The following BRWD1 variants were observed in gnomAD, a reference collection of about 807,000 sequenced individuals.
The protein encoded by BRWD1 is bromodomain and WD repeat domain containing 1.
In BRWD1, 82 loss-of-function variants were observed where a neutral mutation model predicts 251.2. That is an observed-to-expected ratio of 0.33 (90% CI 0.27 to 0.39). The LOEUF is 0.39. Ranked by LOEUF, BRWD1 falls within the 10% of genes least tolerant of loss-of-function variation. The probability of loss-of-function intolerance (pLI) is 1.00; values close to 1 mark genes in which losing one functional copy is unlikely to be tolerated. For missense variants in BRWD1, 2,233 were observed against 2,711.6 expected (o/e 0.82, Z 3.92); for synonymous variants, 918 against 902.8 (o/e 1.02, Z -0.30).
chr21:39,320,052 T>C (rs2036732703), intron 1 of BRWD1, among the ~76,000 whole-genome samples: 2 of 152,078 alleles, frequency 1.3e-5, no homozygotes, highest in South Asian at 4.1e-4. Context: ...TCTACTCTCC[T>C]CCCTCCCTGC....
intron 33 of BRWD1, 143 bp from the exon 34 acceptor site, chr21:39,212,850 C>T: frequency 1.8e-6 from 1 of 564,438 alleles, no homozygotes; most frequent in Non-Finnish European, 3.0e-6. Flanking sequence ...GAAAGACTAC[C>T]AGATGATCTT....
At chr21:39,281,600 C>T (rs2035458680) in intron 8 of BRWD1, among the ~76,000 whole-genome samples, 1 of 152,174 alleles carries the variant, frequency 6.6e-6, no homozygotes, top group African/African-American at 2.4e-5. Context: ...GAGGCCAAGG[C>T]AGGCAGATCA....
Position 39,194,321 on chromosome 21 carries a change from G to C in BRWD1, c.*1938C>G, listed in dbSNP as rs2031700749. 9.9e-7 allele frequency: 1 copy of C among 1,011,276 alleles called. No homozygotes were observed. Among genetic ancestry groups the C allele is most frequent in the South Asian group, 4.3e-5 (1 of 23,360 alleles). The allele number at this position is 1,011,276 out of a possible 1,614,324, so 62.6% of individuals were successfully genotyped here. ...AACATGGAGTTAAAACCTGAGAACA[G>C]ATTATAAAAGAGAAGGTTAAGAAGA... On this transcript the variant is annotated 3_prime_UTR_variant, in exon 41 of 41. Coordinates refer to ENST00000342449, the MANE Select transcript of BRWD1 (RefSeq NM_033656.4).
chr21:39,187,165 G>A lies in BRWD1; in HGVS notation c.*9094C>T, dbSNP rs753912753. On this transcript the variant is annotated 3_prime_UTR_variant, in exon 41 of 41. Transcript: ENST00000342449. Reference sequence around the variant, plus strand: ...AACATTCAGTAATTTTTTCTTAGCCGCAGCAGAAGCATTTCGATGGGGCAG... The same window carrying A: ...AACATTCAGTAATTTTTTCTTAGCCACAGCAGAAGCATTTCGATGGGGCAG... 2.9e-5 allele frequency: 47 copies of A among 1,613,130 alleles called. No individual in the cohort carries two copies. Among genetic ancestry groups the A allele is most frequent in the South Asian group, 3.3e-5 (3 of 90,836 alleles).
intron 1 of BRWD1, among the ~76,000 whole-genome samples, chr21:39,319,320 C>T (rs1237490407): frequency 1.3e-5 from 2 of 152,200 alleles, no homozygotes; most frequent in African/African-American, 2.4e-5. Context: ...CTGCCTCTCC[C>T]TTGCCATTGG....
At chr21:39,270,183 T>A in intron 14 of BRWD1, 100 bp downstream of exon 14, 2 of 1,254,340 alleles carry the variant, frequency 1.6e-6, no homozygotes, top group Non-Finnish European at 1.1e-6. Context: ...ATAGTTTACA[T>A]GAGAGAAACA....
upstream of BRWD1, chr21:39,313,989 C>A (rs927031296): frequency 1.9e-5 from 8 of 422,450 alleles, no homozygotes; most frequent in African/African-American, 1.7e-4. Flanking sequence ...TTCACCGCCG[C>A]CCCCCGTGGG....
At chr21:39,277,611 T>C (rs2035318618) in intron 10 of BRWD1, among the ~76,000 whole-genome samples, 2 of 152,188 alleles carry the variant, frequency 1.3e-5, no homozygotes, top group Admixed American at 1.3e-4. Context: ...TCGCCCAGTC[T>C]GGAGCCCAAT....
At position 39,198,794 on chromosome 21, in the gene BRWD1, G is replaced by A; in HGVS notation, c.5622C>T (p.Asp1874=). The change falls in exon 40 of 41, where the codon GAC becomes GAT. Residue 1874 remains aspartate, a synonymous_variant. Coordinates refer to ENST00000342449, the MANE Select transcript of BRWD1 (RefSeq NM_033656.4). ...TAAAATTGTTTGGTTTTTCTATTTT[G>A]TCATCATCTGAATCTAAATCAGTTT... The part of the protein sequence containing the change: ...GCETDLDSDD[D]KIEKPNNFMK... 6.3e-7 allele frequency: 1 copy of A among 1,593,764 alleles called. No homozygotes were observed. The highest frequency in any genetic ancestry group is 8.5e-7 in the Non-Finnish European group (1 of 1,172,830).
In BRWD1 at chr21:39,191,691, G is replaced by A. The variant is rs2031563729; in HGVS notation, c.*4568C>T. ...TAACTTTTACCCACTGATCAAAAAAGGTAATTTTTAAAATGATTTACCTTG... is the reference window on the plus strand; with the variant it reads ...TAACTTTTACCCACTGATCAAAAAAAGTAATTTTTAAAATGATTTACCTTG... On this transcript the variant is annotated 3_prime_UTR_variant, in exon 41 of 41. Coordinates refer to ENST00000342449, the MANE Select transcript of BRWD1 (RefSeq NM_033656.4). The A allele has an allele frequency of 1.0e-6, 1 of 985,058 alleles. No homozygotes were observed. Among genetic ancestry groups the A allele is most frequent in the South Asian group, 4.7e-5 (1 of 21,264 alleles). 61.0% of individuals were successfully genotyped at this position (985,058 alleles called of 1,614,324 possible). A position where few individuals can be genotyped will look rare whatever the true frequency, so the allele number is the denominator to read the frequency against.
chr21:39,290,180 T>C (rs1051677866), intron 8 of BRWD1, among the ~76,000 whole-genome samples: 12 of 151,984 alleles, frequency 7.9e-5, no homozygotes, highest in Admixed American at 6.6e-5. Context: ...ATCAGTTGTG[T>C]TCAGATGCTG....
intron 11 of BRWD1, 83 bp downstream of exon 11, chr21:39,277,168 T>C (rs2035304839): frequency 3.6e-6 from 3 of 843,126 alleles, no homozygotes; most frequent in Non-Finnish European, 5.2e-6. Flanking sequence ...AAAATAAAAG[T>C]AGAGCCAATA....
chr21:39,287,106 C>T (rs1055399322), intron 8 of BRWD1, among the ~76,000 whole-genome samples: 3 of 152,158 alleles, frequency 2.0e-5, no homozygotes, highest in African/African-American at 7.2e-5. Flanking sequence ...CATTCTCCTA[C>T]ATAACTATGA....
chr21:39,245,609 T>C (rs1049562939), intron 21 of BRWD1, among the ~76,000 whole-genome samples: 1 of 151,664 alleles, frequency 6.6e-6, no homozygotes, highest in African/African-American at 2.4e-5. Context: ...TGGTTTTTTT[T>C]TTTTTTTGAA....
At chr21:39,299,565 G>T (rs116239029) in intron 4 of BRWD1, among the ~76,000 whole-genome samples, 2,315 of 152,082 alleles carry the variant, frequency 0.015, 56 homozygotes, top group African/African-American at 0.053. Context: ...CTCTCATCTC[G>T]ACAATGAGAA....
intron 21 of BRWD1, among the ~76,000 whole-genome samples, chr21:39,240,368 C>T (rs2033946744): frequency 6.6e-6 from 1 of 152,178 alleles, no homozygotes; most frequent in African/African-American, 2.4e-5. Context: ...GTAGCACATG[C>T]CTGTAGTCCT....
intron 13 of BRWD1, among the ~76,000 whole-genome samples, chr21:39,271,869 C>T (rs1427195642): frequency 6.6e-6 from 1 of 150,840 alleles, no homozygotes; most frequent in Non-Finnish European, 1.5e-5. Context: ...TGAAATCATG[C>T]CTCTATAAAA....
intron 4 of BRWD1, among the ~76,000 whole-genome samples, chr21:39,312,188 CAAAAG>C (rs1027944480): frequency 2.4e-4 from 37 of 152,106 alleles, no homozygotes; most frequent in African/African-American, 6.5e-4. Context: ...TAACCGAGCT[CAAAAG>C]AAAAGTGCCT....
Position 39,260,963 on chromosome 21 carries a change from G to A in BRWD1, c.1886-2291C>T, listed in dbSNP as rs182834721. Among the ~76,000 whole-genome samples, 14 of 152,292 alleles carry A rather than the reference G, an allele frequency of 9.2e-5. No individual in the cohort carries two copies. The East Asian group carries it at 1.7e-3, about 19-fold the overall frequency. On this transcript the variant is annotated intron_variant, in intron 17 of 40. Coordinates refer to ENST00000342449, the MANE Select transcript of BRWD1 (RefSeq NM_033656.4). ...TGGCCGGGCATGGTGGCTCACGCCT[G>A]TCTGTAATCCCTGCACTTTGGGAGG...
Sources: gnomAD v4.1 joint callset for allele counts (sites outside exome capture counted in the v4.1 genomes callset) on GRCh38, gnomAD v4.1.1 for gene constraint, MANE v1.5 for transcripts, NCBI Gene and HGNC (gene_info 2026-07-23, HGNC 2026-07-21) for gene names.